Variants in R3HDM2 observed in about 807,000 individuals in gnomAD.
The protein encoded by R3HDM2 is R3H domain containing 2, also known as R3H domain-containing protein 2.
R3HDM2 carries 38 observed loss-of-function variants against 124.5 expected under a neutral mutation model. The observed-to-expected ratio is 0.31, with a 90% CI of 0.24 to 0.40. R3HDM2 has a LOEUF of 0.40. R3HDM2 is among the 10% of genes least tolerant of loss of function. The pLI, the probability that R3HDM2 is intolerant of heterozygous loss-of-function variation, is 1.00. For missense variants in R3HDM2, 869 were observed against 1,236.9 expected, an observed-to-expected ratio of 0.70 and a Z score of 4.46; for synonymous variants, 391 against 448.0, an observed-to-expected ratio of 0.87 and a Z score of 1.61.
intron 2 of R3HDM2, among the ~76,000 whole-genome samples, chr12:57,337,237 GC>G (rs1301933419): frequency 1.3e-5 from 2 of 151,954 alleles, no homozygotes; most frequent in Non-Finnish European, 2.9e-5. Flanking sequence ...GCTCACTGTG[GC>G]CCCAATCTCA....
intron 14 of R3HDM2, among the ~76,000 whole-genome samples, chr12:57,275,149 C>T (rs1008391394): frequency 6.6e-6 from 1 of 152,084 alleles, no homozygotes; most frequent in Non-Finnish European, 1.5e-5. Context: ...GAATACAGAA[C>T]CCAGAAATAA....
At chr12:57,411,424 A>G (rs71448521) in intron 1 of R3HDM2, among the ~76,000 whole-genome samples, 1 of 152,194 alleles carries the variant, frequency 6.6e-6, no homozygotes, top group African/African-American at 2.4e-5. Flanking sequence ...TCAGCCTCCT[A>G]AAGTGTTGGG....
chr12:57,258,856 T>A (rs1413840476), intron 20 of R3HDM2, 34 bp downstream of exon 20: 2 of 1,469,666 alleles, frequency 1.4e-6, no homozygotes, highest in Non-Finnish European at 1.8e-6. Context: ...TACGGTCATC[T>A]CCTTGCCAAG....
intron 3 of R3HDM2, among the ~76,000 whole-genome samples, chr12:57,305,844 G>A (rs2052461643): frequency 6.6e-6 from 1 of 152,262 alleles, no homozygotes; most frequent in Non-Finnish European, 1.5e-5. Flanking sequence ...TGGCCTTAGA[G>A]ATAAAATGGT....
Position 57,332,410 on chromosome 12 carries a change from CAAAAAAAAAAAAA to C in R3HDM2, c.-35-21960_-35-21948del, listed in dbSNP as rs10653446. Among the ~76,000 whole-genome samples, 2 of 60,706 alleles carry C rather than the reference CAAAAAAAAAAAAA, an allele frequency of 3.3e-5. 1 individual carries two copies. The highest frequency in any genetic ancestry group is 1.5e-4 in the African/African-American group (2 of 13,020). The allele number at this position is 60,706 out of a possible 152,430, so 39.8% of individuals were successfully genotyped here. On this transcript the variant is annotated intron_variant, in intron 2 of 23. Transcript: ENST00000402412. ...TCCAGCCTGGAGTGAGACCCTGTCT[CAAAAAAAAAAAAA>C]AAAAAAAAAAAAGTAGGTGGCAAAG...
chr12:57,418,107 C>T (rs1397377963), intron 1 of R3HDM2: 1 of 952,368 alleles, frequency 1.1e-6, no homozygotes, highest in African/African-American at 1.8e-5. Context: ...GAACTCTCTA[C>T]CAACATTTCC....
Position 57,307,450 on chromosome 12 carries a change from A to G in R3HDM2, c.165+2814T>C, listed in dbSNP as rs544478764. 1.0e-4 allele frequency among the ~76,000 whole-genome samples: 15 copies of G among 148,872 alleles called. 1 individual carries two copies. The East Asian group carries it at 3.1e-3, about 30-fold the overall frequency. ...ATTCTCCTGCCTCAGCTTCCCGAGTAGCTGGGATTACAAGCATGCGCCACC... is the reference window on the plus strand; with the variant it reads ...ATTCTCCTGCCTCAGCTTCCCGAGTGGCTGGGATTACAAGCATGCGCCACC... On this transcript the variant is annotated intron_variant, in intron 3 of 23. Transcript: ENST00000402412.
rs893208823 is a variant in R3HDM2 at position 57,430,920 on chromosome 12, A to AG, written c.-307dup. ...GGGAGGGGAAAGGGGCTTGGGAAGG[A>AG]GGGGGGAGAGGGGAAGAAAAGGGGG... On this transcript the variant is annotated 5_prime_UTR_variant, in exon 1 of 24. Coordinates refer to ENST00000402412, the MANE Select transcript of R3HDM2 (RefSeq NM_001394031.1). 1 of 95,024 alleles carries AG rather than the reference A, an allele frequency of 1.1e-5. No individual in the cohort carries two copies. Among genetic ancestry groups the AG allele is most frequent in the Non-Finnish European group, 2.0e-5 (1 of 49,546 alleles). 5.9% of individuals were successfully genotyped at this position (95,024 alleles called of 1,614,324 possible).
intron 2 of R3HDM2, among the ~76,000 whole-genome samples, chr12:57,369,085 A>T (rs2063007907): frequency 6.6e-6 from 1 of 152,082 alleles, no homozygotes; most frequent in Non-Finnish European, 1.5e-5. Context: ...CCTAGCCTTT[A>T]CTCAAGAACT....
intron 2 of R3HDM2, among the ~76,000 whole-genome samples, chr12:57,393,087 AG>A (rs1204674872): frequency 6.8e-6 from 1 of 147,796 alleles, no homozygotes; most frequent in African/African-American, 2.5e-5. Context: ...TACAGGCGTC[AG>A]CCACTGCGCC....
At chr12:57,339,695 C>G (rs1250695601) in intron 2 of R3HDM2, among the ~76,000 whole-genome samples, 1 of 141,486 alleles carries the variant, frequency 7.1e-6, no homozygotes, top group Non-Finnish European at 1.5e-5. Flanking sequence ...AAGACTCCAT[C>G]TAAAAAAAAA....
At chr12:57,333,476 T>C (rs1052869923) in intron 2 of R3HDM2, among the ~76,000 whole-genome samples, 1 of 151,934 alleles carries the variant, frequency 6.6e-6, no homozygotes, top group Non-Finnish European at 1.5e-5. Flanking sequence ...GATCACCTAA[T>C]GTCAGGAGTT....
intron 2 of R3HDM2, among the ~76,000 whole-genome samples, chr12:57,378,748 G>C (rs1228294043): frequency 3.9e-5 from 6 of 152,140 alleles, no homozygotes; most frequent in African/African-American, 1.4e-4. Flanking sequence ...CAAAAGAATT[G>C]AAAATAGGGT....
In R3HDM2 at chr12:57,260,391, C is replaced by T. The variant is rs12317897; in HGVS notation, c.2132-1332G>A. On this transcript the variant is annotated intron_variant, in intron 19 of 23. Coordinates refer to ENST00000402412, the MANE Select transcript of R3HDM2 (RefSeq NM_001394031.1). ...TACACTGACAGGTTCAGGTGACTGA[C>T]TGAATGCGACTTTGAGGTTTTGGCA... Among the ~76,000 whole-genome samples the T allele has an allele frequency of 8.3e-3, 1,255 of 151,450 alleles. 16 individuals are homozygous for T. The highest frequency in any genetic ancestry group is 0.028 in the African/African-American group (1,171 of 41,260).
intron 2 of R3HDM2, among the ~76,000 whole-genome samples, chr12:57,388,662 T>C (rs1464146951): frequency 1.3e-5 from 2 of 152,170 alleles, no homozygotes; most frequent in African/African-American, 2.4e-5. Flanking sequence ...AGGAGGGCTA[T>C]GTGTCCTGGA....
rs2046753200 is a variant in R3HDM2 at position 57,283,877 on chromosome 12, C to T, written c.1118G>A (p.Gly373Asp). 1 of 1,614,212 alleles carries T rather than the reference C, an allele frequency of 6.2e-7. No homozygotes were observed. The highest frequency in any genetic ancestry group is 1.1e-5 in the South Asian group (1 of 91,090). Residue 373 changes from glycine (G) to aspartate (D), a missense_variant, in exon 13 of 24, where the codon GGT (glycine) becomes GAT (aspartate). Physicochemically the swap from Gly to Asp is moderately conservative, Grantham distance 94. This residue lies in a region of R3HDM2 where 602 missense variants were observed against 789.2 expected (regional missense o/e 0.76). Coordinates refer to ENST00000402412, the MANE Select transcript of R3HDM2 (RefSeq NM_001394031.1). ...SFSGISILTR[G>D]DSIGSSKGGS... Reference sequence around the variant, plus strand: ...GCCTTTACTGCTGCCGATGCTGTCACCTCGGGTAAGGATAGAGATTCCACT... The same window carrying T: ...GCCTTTACTGCTGCCGATGCTGTCATCTCGGGTAAGGATAGAGATTCCACT...
chr12:57,391,612 ACT>A (rs1274924431), intron 2 of R3HDM2, among the ~76,000 whole-genome samples: 4 of 152,078 alleles, frequency 2.6e-5, no homozygotes, highest in East Asian at 3.9e-4. Context: ...AGCTGAATAA[ACT>A]CTGTAAATTT....
Position 57,258,157 on chromosome 12 carries a change from A to C in R3HDM2, c.2302-20T>G. On this transcript the variant is annotated intron_variant, in intron 20 of 23. Coordinates refer to ENST00000402412, the MANE Select transcript of R3HDM2 (RefSeq NM_001394031.1). ...GTTGGCCTGTGGAAAAGAGGAGCAC[A>C]CGTCACATAAACATCAAACATTACC... 6.7e-7 allele frequency: 1 copy of C among 1,502,026 alleles called. No homozygotes were observed. Among genetic ancestry groups the C allele is most frequent in the South Asian group, 1.3e-5 (1 of 76,384 alleles). The allele number at this position is 1,502,026 out of a possible 1,614,324, so 93.0% of individuals were successfully genotyped here.
At chr12:57,390,471 G>A (rs2066500479) in intron 2 of R3HDM2, among the ~76,000 whole-genome samples, 1 of 151,708 alleles carries the variant, frequency 6.6e-6, no homozygotes, top group East Asian at 1.9e-4. Flanking sequence ...GCTGAGACAG[G>A]AAGATCACTG....
Sources: gnomAD v4.1 joint callset for allele counts (sites outside exome capture counted in the v4.1 genomes callset) on GRCh38, gnomAD v4.1.1 for gene constraint, gnomAD v4.1.1 regional missense constraint, MANE v1.5 for transcripts, NCBI Gene and HGNC (gene_info 2026-07-23, HGNC 2026-07-21) for gene names.